PLEKHM3: variants seen among roughly 807,000 people sequenced by gnomAD.
PLEKHM3 encodes pleckstrin homology domain-containing family M member 3.
In PLEKHM3, 45 loss-of-function variants were observed where a neutral mutation model predicts 81.8. The ratio of observed to expected loss-of-function variants is 0.55; its 90% CI spans 0.43 to 0.71. The LOEUF is 0.71. PLEKHM3 is among the 30% of genes least tolerant of loss of function. The pLI is 0.00. For missense variants in PLEKHM3, 788 were observed against 924.3 expected, an observed-to-expected ratio of 0.85 and a Z score of 1.91; for synonymous variants, 352 against 356.4, an observed-to-expected ratio of 0.99 and a Z score of 0.14.
intron 3 of PLEKHM3, among the ~76,000 whole-genome samples, chr2:207,967,201 C>A (rs976095178): frequency 1.3e-5 from 2 of 151,974 alleles, no homozygotes; most frequent in Admixed American, 1.3e-4. Flanking sequence ...TGCTATGTTG[C>A]TCAGGCTGGT....
chr2:207,933,126 C>T (rs938242021), intron 4 of PLEKHM3, among the ~76,000 whole-genome samples: 5 of 152,122 alleles, frequency 3.3e-5, no homozygotes, highest in African/African-American at 9.7e-5. Flanking sequence ...GAGAAGTTTA[C>T]AGTCTCTGAA....
chr2:207,837,858 T>C (rs1164481483), intron 7 of PLEKHM3, among the ~76,000 whole-genome samples: 1 of 132,924 alleles, frequency 7.5e-6, no homozygotes. Flanking sequence ...GCAACCTCCA[T>C]ATCCCGGGTT....
chr2:207,856,642 G>A (rs1316691676), intron 7 of PLEKHM3, among the ~76,000 whole-genome samples: 1 of 152,192 alleles, frequency 6.6e-6, no homozygotes, highest in African/African-American at 2.4e-5. Flanking sequence ...TGGCCTGACA[G>A]CTCACTTCTT....
chr2:207,889,220 C>T (rs1264979970), intron 6 of PLEKHM3, among the ~76,000 whole-genome samples: 1 of 152,144 alleles, frequency 6.6e-6, no homozygotes, highest in Non-Finnish European at 1.5e-5. Context: ...TGCAGGTGAA[C>T]AACCCAGACA....
Position 208,011,074 on chromosome 2 carries a change from A to AC in PLEKHM3, c.-318-9118_-318-9117insG, listed in dbSNP as rs1205083501. ...AAGAATGGCCATAATCAAAAAAAAAAAAAAAAAAACAAAATAGATGTTGGC... is the reference window on the plus strand; with the variant it reads ...AAGAATGGCCATAATCAAAAAAAAAACAAAAAAAAACAAAATAGATGTTGGC... On this transcript the variant is annotated intron_variant, in intron 1 of 7. Coordinates refer to ENST00000427836, the MANE Select transcript of PLEKHM3 (RefSeq NM_001080475.3). 1.7e-3 allele frequency among the ~76,000 whole-genome samples: 251 copies of AC among 151,970 alleles called. 1 individual carries two copies. The highest frequency in any genetic ancestry group is 5.7e-3 in the African/African-American group (236 of 41,494).
chr2:207,987,952 C>T lies in PLEKHM3; in HGVS notation c.611-10366G>A, dbSNP rs1691781018. Among the ~76,000 whole-genome samples, 6 of 152,316 alleles carry T rather than the reference C, an allele frequency of 3.9e-5. No individual in the cohort carries two copies. The South Asian group carries it at 1.2e-3, about 32-fold the overall frequency. ...ATTTAATCACCAATTCTGGATCACA[C>T]CATCATCTATATTCTCTATTTAAAT... is the stretch of plus-strand genomic sequence containing the variant. On this transcript the variant is annotated intron_variant, in intron 2 of 7. Transcript: ENST00000427836.
chr2:207,961,208 G>C (rs148454027), intron 3 of PLEKHM3, among the ~76,000 whole-genome samples: 1 of 152,278 alleles, frequency 6.6e-6, no homozygotes, highest in African/African-American at 2.4e-5. Context: ...ATTTTGTCTG[G>C]TCTGGGGCTC....
chr2:207,897,905 A>C (rs1000925723), intron 6 of PLEKHM3, among the ~76,000 whole-genome samples: 6 of 152,160 alleles, frequency 3.9e-5, no homozygotes, highest in Middle Eastern at 3.2e-3. Flanking sequence ...CTGCCACCTG[A>C]CCTTTGTCTT....
At chr2:207,912,491 C>T (rs541704732) in intron 5 of PLEKHM3, among the ~76,000 whole-genome samples, 1 of 152,086 alleles carries the variant, frequency 6.6e-6, no homozygotes, top group African/African-American at 2.4e-5. Flanking sequence ...ATGAAGGAAC[C>T]CAGCTTATTG....
At chr2:207,951,926 A>G (rs1690341430) in intron 3 of PLEKHM3, among the ~76,000 whole-genome samples, 1 of 152,202 alleles carries the variant, frequency 6.6e-6, no homozygotes, top group South Asian at 2.1e-4. Flanking sequence ...AAGAGGGAAG[A>G]ATGAGAAAGC....
intron 2 of PLEKHM3, among the ~76,000 whole-genome samples, chr2:207,988,154 A>G (rs1282884428): frequency 6.6e-6 from 1 of 152,134 alleles, no homozygotes; most frequent in African/African-American, 2.4e-5. Flanking sequence ...CAAACACCTA[A>G]TTCCACGGTC....
chr2:207,964,158 G>A (rs887364146), intron 3 of PLEKHM3, among the ~76,000 whole-genome samples: 1 of 152,028 alleles, frequency 6.6e-6, no homozygotes, highest in Non-Finnish European at 1.5e-5. Context: ...GTTGCAGTGA[G>A]CTGAGATCAC....
chr2:207,928,020 T>G (rs2718668), intron 5 of PLEKHM3, among the ~76,000 whole-genome samples: 95,280 of 151,390 alleles, frequency 0.63, 30,758 homozygotes, highest in Middle Eastern at 0.79. Context: ...AAAAATTCAA[T>G]AACATCCCCC....
chr2:208,004,460 G>A, intron 1 of PLEKHM3, among the ~76,000 whole-genome samples: 1 of 152,130 alleles, frequency 6.6e-6, no homozygotes, highest in Non-Finnish European at 1.5e-5. Flanking sequence ...GGCCATGCTG[G>A]TTGGTGGAAT....
intron 3 of PLEKHM3, among the ~76,000 whole-genome samples, chr2:207,974,071 C>T (rs80246461): frequency 0.03 from 4,518 of 152,220 alleles, 206 homozygotes; most frequent in African/African-American, 0.099. Context: ...ACTACCCTTA[C>T]CCAACCTATC....
intron 2 of PLEKHM3, among the ~76,000 whole-genome samples, chr2:207,980,380 C>T (rs1287993484): frequency 6.6e-6 from 1 of 152,088 alleles, no homozygotes; most frequent in African/African-American, 2.4e-5. Flanking sequence ...AGGGAATCTT[C>T]AAGGTTCCCT....
At chr2:208,020,505 A>G (rs1221513977) in intron 1 of PLEKHM3, among the ~76,000 whole-genome samples, 7 of 152,194 alleles carry the variant, frequency 4.6e-5, no homozygotes, top group South Asian at 2.1e-4. Flanking sequence ...ATGTTTTTCA[A>G]TGTCTGGTAT....
At chr2:207,835,148 T>C (rs928311106) in intron 7 of PLEKHM3, among the ~76,000 whole-genome samples, 12 of 151,934 alleles carry the variant, frequency 7.9e-5, no homozygotes, top group Non-Finnish European at 1.5e-4. Context: ...TTTCACCACG[T>C]TGGCCAGGCT....
In PLEKHM3 at chr2:208,000,949, T is replaced by TA. The variant is rs1692275250; in HGVS notation, c.610+80dup. The TA allele has an allele frequency of 4.0e-6, 5 of 1,238,112 alleles. No individual in the cohort carries two copies. In the South Asian group the frequency reaches 8.5e-5, roughly 21 times the overall value. 76.7% of individuals were successfully genotyped at this position (1,238,112 alleles called of 1,614,324 possible). Reference sequence around the variant, plus strand: ...ACAATGATTCAGTAGAAGTCAGATATAAAAACATACAAGCTTATCTGAGTC... The same window carrying TA: ...ACAATGATTCAGTAGAAGTCAGATATAAAAAACATACAAGCTTATCTGAGTC... On this transcript the variant is annotated intron_variant, in intron 2 of 7. Transcript: ENST00000427836.
Sources: allele counts gnomAD v4.1 joint callset (sites outside exome capture counted in the v4.1 genomes callset), GRCh38; gene constraint gnomAD v4.1.1; transcripts MANE v1.5; gene names NCBI Gene and HGNC (gene_info 2026-07-23, HGNC 2026-07-21).